Variants in TTL observed in about 807,000 individuals in gnomAD.
TTL encodes tubulin--tyrosine ligase.
A neutral mutation model predicts 41.1 loss-of-function variants in TTL; 10 were observed. The ratio of observed to expected loss-of-function variants is 0.24; its 90% CI spans 0.15 to 0.41. TTL has a LOEUF of 0.41. Ranked by LOEUF, TTL falls within the 10% of genes least tolerant of loss-of-function variation. The pLI is 1.00. For synonymous variants in TTL, 175 were observed against 175.5 expected (o/e 1.00, Z 0.02); for missense variants, 367 against 460.4 (o/e 0.80, Z 1.86).
intron 1 of TTL, 56 bp from the exon 2 acceptor site, chr2:112,485,861 C>T (rs997113477): frequency 6.8e-7 from 1 of 1,481,084 alleles, no homozygotes; most frequent in Admixed American, 1.8e-5. Flanking sequence ...CACAGCTGTC[C>T]TCTCTCCTGC....
intron 6 of TTL, among the ~76,000 whole-genome samples, chr2:112,524,893 A>G (rs1030803690): frequency 6.6e-6 from 1 of 152,180 alleles, no homozygotes; most frequent in African/African-American, 2.4e-5. Context: ...GGTATTGCCT[A>G]GGTTTTCTTC....
chr2:112,515,919 C>T (rs1270939092), intron 5 of TTL, among the ~76,000 whole-genome samples: 1 of 151,686 alleles, frequency 6.6e-6, no homozygotes. Flanking sequence ...TGCACTCCAG[C>T]CTGGGCGACA....
intron 5 of TTL, among the ~76,000 whole-genome samples, chr2:112,517,018 C>T (rs555229743): frequency 1.1e-4 from 16 of 152,092 alleles, no homozygotes; most frequent in African/African-American, 3.4e-4. Flanking sequence ...ATAAATGCTC[C>T]CAGCAGCTCT....
Position 112,534,703 on chromosome 2 carries a change from C to G in TTL, c.*5908C>G, listed in dbSNP as rs1450417707. 1 of 152,194 alleles carries G rather than the reference C, an allele frequency of 6.6e-6. No homozygotes were observed. The highest frequency in any genetic ancestry group is 1.5e-5 in the Non-Finnish European group (1 of 68,032). The allele number at this position is 152,194 out of a possible 1,614,324, so 9.4% of individuals were successfully genotyped here. The stretch of plus-strand genomic sequence containing the variant: ...TCTCAGCTTCCTAAGGTGGCTGTAA[C>G]AGTTGGAACAAACAAACTGACCAAA... On this transcript the variant is annotated 3_prime_UTR_variant, in exon 7 of 7. Coordinates refer to ENST00000233336, the MANE Select transcript of TTL (RefSeq NM_153712.5).
chr2:112,509,609 C>G (rs922100080), intron 5 of TTL, among the ~76,000 whole-genome samples: 1 of 152,086 alleles, frequency 6.6e-6, no homozygotes, highest in Non-Finnish European at 1.5e-5. Context: ...TTCTTTGACT[C>G]GGAAAGGGAA....
At chr2:112,516,152 C>T (rs1296163886) in intron 5 of TTL, among the ~76,000 whole-genome samples, 1 of 152,262 alleles carries the variant, frequency 6.6e-6, no homozygotes, top group East Asian at 1.9e-4. Flanking sequence ...CATGTTATTG[C>T]ACATAACAGT....
intron 4 of TTL, among the ~76,000 whole-genome samples, chr2:112,502,426 C>T (rs996927939): frequency 6.6e-6 from 1 of 152,032 alleles, no homozygotes; most frequent in African/African-American, 2.4e-5. Context: ...CACCTGATGT[C>T]AGTATTTTGA....
At chr2:112,499,155 A>G (rs1681620176) in intron 3 of TTL, among the ~76,000 whole-genome samples, 1 of 152,150 alleles carries the variant, frequency 6.6e-6, no homozygotes, top group Non-Finnish European at 1.5e-5. Context: ...TCTACTAAGA[A>G]TACAAAAAAA....
chr2:112,498,584 G>T (rs556137998), intron 3 of TTL, among the ~76,000 whole-genome samples: 1 of 152,144 alleles, frequency 6.6e-6, no homozygotes, highest in Non-Finnish European at 1.5e-5. Context: ...CAACATTTTT[G>T]TATAGACATG....
chr2:112,485,679 A>G (rs1681220941), intron 1 of TTL, among the ~76,000 whole-genome samples: 1 of 152,222 alleles, frequency 6.6e-6, no homozygotes, highest in Non-Finnish European at 1.5e-5. Flanking sequence ...CAAAGGTAGC[A>G]GCAGTTTTGG....
chr2:112,532,151 T>C lies in TTL; in HGVS notation c.*3356T>C. 1 of 226,828 alleles carries C rather than the reference T, an allele frequency of 4.4e-6. No individual in the cohort carries two copies. Among genetic ancestry groups the C allele is most frequent in the Non-Finnish European group, 8.8e-6 (1 of 114,090 alleles). The allele number at this position is 226,828 out of a possible 1,614,324, so 14.1% of individuals were successfully genotyped here. On this transcript the variant is annotated 3_prime_UTR_variant, in exon 7 of 7. Transcript: ENST00000233336. ...ATCGAAGTGACAAAGTGTGTTTTCA[T>C]TCACAGTGGAGGCTACATCAAGCAA...
intron 2 of TTL, among the ~76,000 whole-genome samples, chr2:112,491,949 G>A (rs1574055631): frequency 2.0e-5 from 3 of 151,760 alleles, no homozygotes; most frequent in African/African-American, 7.3e-5. Flanking sequence ...GTATGCCTTC[G>A]TTTTAAATTT....
chr2:112,483,523 A>G (rs1344802037), intron 1 of TTL: 3 of 152,254 alleles, frequency 2.0e-5, no homozygotes, highest in African/African-American at 7.2e-5. Context: ...AGTCACCTCT[A>G]CCTTGGAGGG....
rs774917140 is a variant in TTL, at chr2:112,539,436, A to G, written c.*10641A>G. Reference sequence around the variant, plus strand: ...GGACAAAAAGCACATGATCATTTCAATATACACTGAAAAAGCATTTGGCAA... The same window carrying G: ...GGACAAAAAGCACATGATCATTTCAGTATACACTGAAAAAGCATTTGGCAA... On this transcript the variant is annotated 3_prime_UTR_variant, in exon 7 of 7. Coordinates refer to ENST00000233336, the MANE Select transcript of TTL (RefSeq NM_153712.5). 5.9e-5 allele frequency: 9 copies of G among 152,194 alleles called. No individual in the cohort carries two copies. The highest frequency in any genetic ancestry group is 3.3e-4 in the Admixed American group (5 of 15,278). 9.4% of individuals were successfully genotyped at this position (152,194 alleles called of 1,614,324 possible).
intron 1 of TTL, 91 bp from the exon 2 acceptor site, chr2:112,485,826 T>C (rs1681225118): frequency 2.5e-6 from 3 of 1,176,674 alleles, no homozygotes; most frequent in Middle Eastern, 2.1e-4. Context: ...AATCCTGAGA[T>C]GAGAGAGAGA....
At chr2:112,518,964 C>T (rs1328011557) in intron 5 of TTL, among the ~76,000 whole-genome samples, 2 of 152,100 alleles carry the variant, frequency 1.3e-5, no homozygotes, top group African/African-American at 2.4e-5. Context: ...CGTGAGCCAC[C>T]GCGCCCGGCT....
At chr2:112,502,473 CA>C in intron 4 of TTL, among the ~76,000 whole-genome samples, 1 of 151,952 alleles carries the variant, frequency 6.6e-6, no homozygotes, top group South Asian at 2.1e-4. Context: ...CCTGTCTCTA[CA>C]AAAAATACAA....
chr2:112,500,022 A>G (rs1681648183), intron 3 of TTL, among the ~76,000 whole-genome samples: 1 of 152,252 alleles, frequency 6.6e-6, no homozygotes, highest in Non-Finnish European at 1.5e-5. Context: ...AAATGACTTC[A>G]GCCATAGAAA....
rs757745299 is a variant in TTL at position 112,494,264 on chromosome 2, A to G, written c.358A>G (p.Ile120Val). 2 of 1,614,214 alleles carry G rather than the reference A, an allele frequency of 1.2e-6. No homozygotes were observed. Among genetic ancestry groups the G allele is most frequent in the East Asian group, 2.2e-5 (1 of 44,886 alleles). Residue 120 changes from isoleucine (I) to valine (V), a missense_variant, in exon 3 of 7, where the codon ATC (isoleucine) becomes GTC (valine). Coordinates refer to ENST00000233336, the MANE Select transcript of TTL (RefSeq NM_153712.5). ...APAQNGIQPP[I>V]SNSRTDEREF... ...AGCACAGAATGGAATTCAGCCACCA[A>G]TCAGTAACTCAAGGACAGATGAAAG...
Sources: gnomAD v4.1 joint callset for allele counts (sites outside exome capture counted in the v4.1 genomes callset) on GRCh38, gnomAD v4.1.1 for gene constraint, MANE v1.5 for transcripts, NCBI Gene and HGNC (gene_info 2026-07-23, HGNC 2026-07-21) for gene names.